DOCK1: variants seen among roughly 807,000 people sequenced by gnomAD.
DOCK1 encodes dedicator of cytokinesis protein 1.
In DOCK1, 138 loss-of-function variants were observed where a neutral mutation model predicts 262.7. That is an observed-to-expected ratio of 0.53 (90% CI 0.46 to 0.61). DOCK1 has a LOEUF of 0.61. Among genes scored for constraint, DOCK1 ranks in the 20% least tolerant of loss-of-function variants. DOCK1 has a pLI of 0.00. For missense variants in DOCK1, 1,908 were observed against 2,370.7 expected (o/e 0.80, Z 4.05); for synonymous variants, 866 against 867.4 (o/e 1.00, Z 0.03).
chr10:127,447,828 T>C (rs1391751410), intron 51 of DOCK1, among the ~76,000 whole-genome samples: 3 of 152,222 alleles, frequency 2.0e-5, no homozygotes, highest in Non-Finnish European at 4.4e-5. Context: ...AAGGTTGTCA[T>C]CGGTTATCAT....
At chr10:127,402,911 T>G in intron 38 of DOCK1, 144 bp from the exon 39 acceptor site, 1 of 826,526 alleles carries the variant, frequency 1.2e-6, no homozygotes, top group Non-Finnish European at 1.9e-6. Context: ...CAAGAAAATA[T>G]TTGTATTTTT....
intron 1 of DOCK1, among the ~76,000 whole-genome samples, chr10:126,960,624 A>G (rs1401896529): frequency 6.6e-6 from 1 of 151,440 alleles, no homozygotes; most frequent in Non-Finnish European, 1.5e-5. Flanking sequence ...TGGTTTGGCA[A>G]GAACTCATCT....
At chr10:126,958,428 A>C (rs915099090) in intron 1 of DOCK1, among the ~76,000 whole-genome samples, 4,268 of 152,288 alleles carry the variant, frequency 0.028, 224 homozygotes, top group African/African-American at 0.097. Context: ...GTAGGTTGAC[A>C]GGGAAGTCAC....
intron 35 of DOCK1, among the ~76,000 whole-genome samples, chr10:127,375,494 T>C (rs534298849): frequency 1.5e-4 from 23 of 152,356 alleles, no homozygotes; most frequent in African/African-American, 5.5e-4. Flanking sequence ...TTGTGGGTGC[T>C]TTATGCTCAT....
chr10:127,228,695 A>G (rs1366771670), intron 27 of DOCK1, among the ~76,000 whole-genome samples: 1 of 152,224 alleles, frequency 6.6e-6, no homozygotes, highest in Non-Finnish European at 1.5e-5. Flanking sequence ...CTTTTCTGTC[A>G]AACGCAAAGC....
intron 28 of DOCK1, among the ~76,000 whole-genome samples, chr10:127,249,286 A>T (rs2134804756): frequency 6.6e-6 from 1 of 152,176 alleles, no homozygotes; most frequent in African/African-American, 2.4e-5. Flanking sequence ...TTTCTTATAT[A>T]TCTATAGTGG....
chr10:127,240,020 T>A (rs138373023), intron 27 of DOCK1, among the ~76,000 whole-genome samples: 321 of 152,280 alleles, frequency 2.1e-3, no homozygotes, highest in African/African-American at 7.3e-3. Flanking sequence ...GATCCAGATA[T>A]TCCCTTTTGG....
intron 44 of DOCK1, among the ~76,000 whole-genome samples, chr10:127,418,117 G>C (rs112288207): frequency 6.6e-6 from 1 of 152,170 alleles, no homozygotes; most frequent in Non-Finnish European, 1.5e-5. Context: ...CCACATATGT[G>C]CATAGCCACA....
At chr10:127,358,236 C>T (rs1324845131) in intron 32 of DOCK1, among the ~76,000 whole-genome samples, 1 of 152,152 alleles carries the variant, frequency 6.6e-6, no homozygotes, top group African/African-American at 2.4e-5. Flanking sequence ...GCTCTTGCCT[C>T]CTCCTTGCCC....
At chr10:127,300,989 C>T (rs1277804492) in intron 29 of DOCK1, among the ~76,000 whole-genome samples, 1 of 152,188 alleles carries the variant, frequency 6.6e-6, no homozygotes, top group African/African-American at 2.4e-5. Context: ...TCCTAACCCC[C>T]TAGCCTGTTC....
At chr10:127,172,906 T>C (rs895391429) in intron 27 of DOCK1, among the ~76,000 whole-genome samples, 2 of 152,232 alleles carry the variant, frequency 1.3e-5, no homozygotes, top group Non-Finnish European at 2.9e-5. Flanking sequence ...TGTATGTGGC[T>C]ATCGAGCATT....
chr10:127,373,312 A>G (rs865795671), intron 33 of DOCK1, among the ~76,000 whole-genome samples: 1 of 151,236 alleles, frequency 6.6e-6, no homozygotes, highest in African/African-American at 2.4e-5. Context: ...GTATTTCACT[A>G]GGATCTATCA....
At chr10:127,329,996 C>G (rs2062907407) in intron 29 of DOCK1, among the ~76,000 whole-genome samples, 1 of 152,128 alleles carries the variant, frequency 6.6e-6, no homozygotes, top group Admixed American at 6.5e-5. Context: ...CTCTTAGTGG[C>G]TAATTGTCTC....
intron 1 of DOCK1, among the ~76,000 whole-genome samples, chr10:126,962,734 G>A (rs1341873811): frequency 3.3e-5 from 5 of 152,122 alleles, no homozygotes; most frequent in Non-Finnish European, 5.9e-5. Context: ...TAATTTTGAC[G>A]AAGTCTAACT....
intron 46 of DOCK1, among the ~76,000 whole-genome samples, chr10:127,421,556 G>T (rs766288013): frequency 6.6e-6 from 1 of 152,006 alleles, no homozygotes; most frequent in Non-Finnish European, 1.5e-5. Context: ...AACCAGCACC[G>T]CCACCATCCA....
rs151139128 is a variant in DOCK1, at chr10:127,361,571, A to C, written c.3284-493A>C. On this transcript the variant is annotated intron_variant, in intron 32 of 51. Coordinates refer to ENST00000623213, the MANE Select transcript of DOCK1 (RefSeq NM_001290223.2). ...GCAGAAATCACCCTGCATTATTTAC[A>C]GAGGTGTCAGATAGCAAACTCATCT... Among the ~76,000 whole-genome samples the C allele has an allele frequency of 5.8e-3, 880 of 152,304 alleles. 7 individuals carry two copies. Among genetic ancestry groups the C allele is most frequent in the African/African-American group, 0.02 (841 of 41,566 alleles).
intron 23 of DOCK1, among the ~76,000 whole-genome samples, chr10:127,092,279 G>A (rs1381941046): frequency 2.0e-5 from 3 of 152,174 alleles, no homozygotes; most frequent in Admixed American, 2.0e-4. Flanking sequence ...GAGAGGTCAG[G>A]ATTTGATCCT....
chr10:127,382,476 C>T (rs932526046), intron 37 of DOCK1, among the ~76,000 whole-genome samples: 5 of 152,210 alleles, frequency 3.3e-5, no homozygotes, highest in Non-Finnish European at 5.9e-5. Flanking sequence ...AAGCTCAGCT[C>T]AGTCTGGAGG....
chr10:127,179,531 T>C (rs2055518426), intron 27 of DOCK1, among the ~76,000 whole-genome samples: 1 of 152,222 alleles, frequency 6.6e-6, no homozygotes, highest in Non-Finnish European at 1.5e-5. Flanking sequence ...TTATGAGTTC[T>C]TTCTGACGGC....
Sources: gnomAD v4.1 joint callset for allele counts (sites outside exome capture counted in the v4.1 genomes callset) on GRCh38, gnomAD v4.1.1 for gene constraint, MANE v1.5 for transcripts, NCBI Gene and HGNC (gene_info 2026-07-23, HGNC 2026-07-21) for gene names.